CRMP1: variants seen among roughly 807,000 people sequenced by gnomAD.
The protein encoded by CRMP1 is dihydropyrimidinase-related protein 1.
A neutral mutation model predicts 68.3 loss-of-function variants in CRMP1; 19 were observed. The observed-to-expected ratio is 0.28, with a 90% CI of 0.19 to 0.41. CRMP1 has a LOEUF of 0.41. Among genes scored for constraint, CRMP1 ranks in the 10% least tolerant of loss-of-function variants. CRMP1 has a pLI of 1.00. For synonymous variants in CRMP1, 439 were observed against 399.6 expected, an observed-to-expected ratio of 1.10 and a Z score of -1.18; for missense variants, 791 against 967.4, an observed-to-expected ratio of 0.82 and a Z score of 2.42.
chr4:5,874,899 G>A (rs766903641), intron 1 of CRMP1, among the ~76,000 whole-genome samples: 6 of 152,182 alleles, frequency 3.9e-5, no homozygotes, highest in South Asian at 2.1e-4. Flanking sequence ...AAGCCTGCAC[G>A]CTACAGATGC....
chr4:5,860,960 T>A lies in CRMP1; in HGVS notation c.655+66A>T. ...GAGCCTCGAACACACTGAGCACTTG[T>A]GATGCTGGTGATGGGGAGGAGACCT... On this transcript the variant is annotated intron_variant, in intron 3 of 13. Coordinates refer to ENST00000324989, the MANE Select transcript of CRMP1 (RefSeq NM_001014809.3). The surrounding 1 kb of genome is among the most constrained non-coding windows in gnomAD (Gnocchi z 4.2). 1 of 1,524,770 alleles carries A rather than the reference T, an allele frequency of 6.6e-7. No individual in the cohort carries two copies. The allele number at this position is 1,524,770 out of a possible 1,614,324, so 94.5% of individuals were successfully genotyped here.
Position 5,861,265 on chromosome 4 carries a change from A to C in CRMP1, c.471-55T>G. Reference sequence around the variant, plus strand: ...TTCTTAAAGGAAAAGTAGAATGGGCAGTCAACCCGCAGCTTCAGTTCCATG... The same window carrying C: ...TTCTTAAAGGAAAAGTAGAATGGGCCGTCAACCCGCAGCTTCAGTTCCATG... On this transcript the variant is annotated intron_variant, in intron 2 of 13. Transcript: ENST00000324989. The surrounding 1 kb of genome is among the most constrained non-coding windows in gnomAD (Gnocchi z 6.0). 1 of 1,546,456 alleles carries C rather than the reference A, an allele frequency of 6.5e-7. No homozygotes were observed. Among genetic ancestry groups the C allele is most frequent in the Non-Finnish European group, 8.8e-7 (1 of 1,132,248 alleles).
At chr4:5,863,773 G>C (rs1713768184) in intron 2 of CRMP1, among the ~76,000 whole-genome samples, 1 of 152,166 alleles carries the variant, frequency 6.6e-6, no homozygotes, top group South Asian at 2.1e-4. Flanking sequence ...AATGGCCACA[G>C]AATTAAAGGA....
chr4:5,850,426 T>C lies in CRMP1; in HGVS notation c.883-954A>G, dbSNP rs1344863299. On this transcript the variant is annotated intron_variant, in intron 5 of 13. Transcript: ENST00000324989. This position sits in a 1 kb window ranked among gnomAD's most constrained non-coding sequence, Gnocchi z 4.4. ...AGCTCTTTGAGTGTCTTTTGTTGAC[T>C]GTATCAAAGGCCTCCAGGACATCTT... Among the ~76,000 whole-genome samples the C allele has an allele frequency of 6.6e-6, 1 of 152,206 alleles. No homozygotes were observed. The highest frequency in any genetic ancestry group is 6.5e-5 in the Admixed American group (1 of 15,284).
At chr4:5,840,585 T>G (rs1711648874) in intron 8 of CRMP1, among the ~76,000 whole-genome samples, 2 of 152,250 alleles carry the variant, frequency 1.3e-5, no homozygotes, top group South Asian at 4.1e-4. Context: ...CACATGTGGC[T>G]GTTAAGCTGG....
chr4:5,868,294 T>TATATATATATATAGATAGATAG (rs1714180668), intron 1 of CRMP1, among the ~76,000 whole-genome samples: 1 of 126,778 alleles, frequency 7.9e-6, no homozygotes, highest in Non-Finnish European at 1.7e-5. Flanking sequence ...TATATATATA[T>TATATATATATATAGATAGATAG]ATATATATAC....
intron 6 of CRMP1, among the ~76,000 whole-genome samples, chr4:5,846,644 G>C (rs1231787103): frequency 6.6e-6 from 1 of 151,254 alleles, no homozygotes; most frequent in Non-Finnish European, 1.5e-5. Context: ...AGGCTGGAGT[G>C]TAGTGGCGTG....
At position 5,881,784 on chromosome 4, in the gene CRMP1, G is replaced by T. The variant is rs182632734; in HGVS notation, c.381+10805C>A. On this transcript the variant is annotated intron_variant, in intron 1 of 13. Coordinates refer to ENST00000324989, the MANE Select transcript of CRMP1 (RefSeq NM_001014809.3). This position sits in a 1 kb window ranked among gnomAD's most constrained non-coding sequence, Gnocchi z 4.6. ...CAAAATTTAGCCACACATCGGCAGA[G>T]AATTTTTTTGAGTACACCACTGTGC... Among the ~76,000 whole-genome samples, 142 of 152,242 alleles carry T rather than the reference G, an allele frequency of 9.3e-4. No individual in the cohort carries two copies. The highest frequency in any genetic ancestry group is 3.1e-3 in the African/African-American group (129 of 41,564).
Position 5,821,597 on chromosome 4 carries a change from C to G in CRMP1, c.*163G>C. 1.5e-6 allele frequency: 1 copy of G among 686,552 alleles called. No homozygotes were observed. The highest frequency in any genetic ancestry group is 2.6e-5 in the Admixed American group (1 of 37,882). The allele number at this position is 686,552 out of a possible 1,614,324, so 42.5% of individuals were successfully genotyped here. A position where few individuals can be genotyped will look rare whatever the true frequency, so the allele number is the denominator to read the frequency against. Reference sequence around the variant, plus strand: ...GGAATTTCCAAGCAAACACACCACACTAGTACCACTTCTTCCTAAACAGAA... The same window carrying G: ...GGAATTTCCAAGCAAACACACCACAGTAGTACCACTTCTTCCTAAACAGAA... On this transcript the variant is annotated 3_prime_UTR_variant, in exon 14 of 14. Coordinates refer to ENST00000324989, the MANE Select transcript of CRMP1 (RefSeq NM_001014809.3). This position sits in a 1 kb window ranked among gnomAD's most constrained non-coding sequence, Gnocchi z 4.4.
intron 1 of CRMP1, among the ~76,000 whole-genome samples, chr4:5,876,140 G>A (rs1443400639): frequency 6.7e-6 from 1 of 149,182 alleles, no homozygotes; most frequent in African/African-American, 2.5e-5. Flanking sequence ...GTGACAGAGT[G>A]AGACTCCATC....
Position 5,825,473 on chromosome 4 carries a change from T to C in CRMP1, c.1969+21A>G. ...TGAACTGCTGCAATTGTGGGGAGCCTGGGCCACCACTCTTTCCTACCTGAT... is the reference window on the plus strand; with the variant it reads ...TGAACTGCTGCAATTGTGGGGAGCCCGGGCCACCACTCTTTCCTACCTGAT... On this transcript the variant is annotated intron_variant, in intron 13 of 13. Transcript: ENST00000324989. This position sits in a 1 kb window ranked among gnomAD's most constrained non-coding sequence, Gnocchi z 4.4. The C allele has an allele frequency of 6.5e-7, 1 of 1,549,304 alleles. No individual in the cohort carries two copies. The highest frequency in any genetic ancestry group is 8.7e-7 in the Non-Finnish European group (1 of 1,155,496).
At chr4:5,886,362 A>G (rs1715586911) in intron 1 of CRMP1, among the ~76,000 whole-genome samples, 1 of 152,160 alleles carries the variant, frequency 6.6e-6, no homozygotes, top group African/African-American at 2.4e-5. Context: ...TAGCACACTA[A>G]ATGCTTTGGA....
chr4:5,844,112 A>G (rs1010729495), intron 6 of CRMP1, among the ~76,000 whole-genome samples: 3 of 152,132 alleles, frequency 2.0e-5, no homozygotes, highest in Non-Finnish European at 4.4e-5. Flanking sequence ...CACAATCTCA[A>G]CTGCGCGTCT....
At chr4:5,830,258 G>T (rs762791358) in intron 11 of CRMP1, among the ~76,000 whole-genome samples, 16 of 152,182 alleles carry the variant, frequency 1.1e-4, no homozygotes, top group Non-Finnish European at 2.2e-4. Context: ...TTTGTTATGT[G>T]TGTTGCAAAT....
intron 5 of CRMP1, among the ~76,000 whole-genome samples, chr4:5,849,705 C>T (rs749967696): frequency 6.6e-6 from 1 of 152,178 alleles, no homozygotes; most frequent in Admixed American, 6.5e-5. Flanking sequence ...TGGGGCACAA[C>T]TGGTCCAAGT....
Position 5,842,743 on chromosome 4 carries a change from G to C in CRMP1, c.1032+350C>G, listed in dbSNP as rs34990812. 0.2 allele frequency among the ~76,000 whole-genome samples: 30,472 copies of C among 152,090 alleles called. 3,311 individuals are homozygous for C. The highest frequency in any genetic ancestry group is 0.26 in the Non-Finnish European group (17,467 of 67,974). On this transcript the variant is annotated intron_variant, in intron 7 of 13. Coordinates refer to ENST00000324989, the MANE Select transcript of CRMP1 (RefSeq NM_001014809.3). This position sits in a 1 kb window ranked among gnomAD's most constrained non-coding sequence, Gnocchi z 4.5. Reference sequence around the variant, plus strand: ...CATCCTTTTTCAAGGCTTGGGAACAGGGCAGGCAGTGGGAGTTGTCTCCTG... The same window carrying C: ...CATCCTTTTTCAAGGCTTGGGAACACGGCAGGCAGTGGGAGTTGTCTCCTG...
At chr4:5,873,308 G>A (rs950551355) in intron 1 of CRMP1, among the ~76,000 whole-genome samples, 3 of 152,178 alleles carry the variant, frequency 2.0e-5, no homozygotes, top group Admixed American at 6.5e-5. Context: ...AGGCGAAAAG[G>A]GATCCTGAGA....
intron 6 of CRMP1, among the ~76,000 whole-genome samples, chr4:5,848,438 C>T (rs2152462161): frequency 6.6e-6 from 1 of 152,314 alleles, no homozygotes; most frequent in South Asian, 2.1e-4. Context: ...AGTGATCAGC[C>T]CACCTCGGCC....
At chr4:5,829,355 C>G (rs1198516932) in intron 11 of CRMP1, among the ~76,000 whole-genome samples, 3 of 152,134 alleles carry the variant, frequency 2.0e-5, no homozygotes, top group Admixed American at 6.5e-5. Context: ...TGCCACTGCA[C>G]TCCAGCCTGG....
Sources: gnomAD v4.1 joint callset for allele counts (sites outside exome capture counted in the v4.1 genomes callset) on GRCh38, gnomAD v4.1.1 for gene constraint, Gnocchi (gnomAD v3.1) non-coding constraint, MANE v1.5 for transcripts, NCBI Gene and HGNC (gene_info 2026-07-23, HGNC 2026-07-21) for gene names.